Variants in CHP1 observed in about 807,000 individuals in gnomAD.
CHP1 encodes calcineurin B homologous protein 1.
In CHP1, 11 loss-of-function variants were observed where a neutral mutation model predicts 27.4. The observed-to-expected ratio is 0.40, with a 90% CI of 0.25 to 0.67. The LOEUF (loss-of-function observed/expected upper bound fraction) is 0.67, where lower values mean the gene tolerates loss of function less well. CHP1 is among the 30% of genes least tolerant of loss of function. The pLI is 0.38. For missense variants in CHP1, 169 were observed against 251.3 expected (o/e 0.67, Z 2.22); for synonymous variants, 89 against 87.4 (o/e 1.02, Z -0.10).
At chr15:41,255,660 C>G (rs1052927473) in intron 2 of CHP1, among the ~76,000 whole-genome samples, 4 of 151,890 alleles carry the variant, frequency 2.6e-5, no homozygotes, top group African/African-American at 7.3e-5. Flanking sequence ...GGGAGCGAAA[C>G]TCCATCTCAA....
At chr15:41,234,833 C>A (rs1478602387) in intron 1 of CHP1, among the ~76,000 whole-genome samples, 2 of 152,094 alleles carry the variant, frequency 1.3e-5, no homozygotes, top group African/African-American at 2.4e-5. Flanking sequence ...TGGGAAAATA[C>A]CATTTGCATG....
intron 5 of CHP1, among the ~76,000 whole-genome samples, chr15:41,277,941 G>A (rs2047527478): frequency 6.6e-6 from 1 of 152,034 alleles, no homozygotes; most frequent in Non-Finnish European, 1.5e-5. Context: ...GGGCAACAGA[G>A]CGAGACCCTG....
intron 2 of CHP1, among the ~76,000 whole-genome samples, chr15:41,252,033 C>G (rs868613319): frequency 6.6e-6 from 1 of 152,016 alleles, no homozygotes; most frequent in Non-Finnish European, 1.5e-5. Flanking sequence ...TCAACCACCA[C>G]GCCTGGCCAT....
At position 41,272,596 on chromosome 15, in the gene CHP1, T is replaced by G. The variant is rs1320537771; in HGVS notation, c.411+1978T>G. 3.3e-5 allele frequency among the ~76,000 whole-genome samples: 5 copies of G among 151,746 alleles called. No individual in the cohort carries two copies. The East Asian group carries it at 9.8e-4, about 30-fold the overall frequency. ...CCACCATACCCAGCTAATTTTTGTG[T>G]TTTTAGTAGAGATGGGGTTTCGCCA... is the stretch of plus-strand genomic sequence containing the variant. On this transcript the variant is annotated intron_variant, in intron 5 of 6. Transcript: ENST00000334660.
At chr15:41,279,160 G>A (rs1567013642) in intron 6 of CHP1, among the ~76,000 whole-genome samples, 176 bp from the exon 7 acceptor site, 2 of 149,830 alleles carry the variant, frequency 1.3e-5, no homozygotes, top group South Asian at 2.1e-4. Flanking sequence ...GCAGTGAGCC[G>A]AGACCACACC....
At chr15:41,245,715 G>A (rs895791285) in intron 2 of CHP1, among the ~76,000 whole-genome samples, 1 of 152,032 alleles carries the variant, frequency 6.6e-6, no homozygotes, top group African/African-American at 2.4e-5. Context: ...AATTTCTCTT[G>A]GACGTATACC....
At chr15:41,269,210 T>A (rs908366163) in intron 4 of CHP1, among the ~76,000 whole-genome samples, 2 of 150,186 alleles carry the variant, frequency 1.3e-5, no homozygotes, top group African/African-American at 2.5e-5. Flanking sequence ...CTGAAAAAAA[T>A]AAATAAATAA....
intron 4 of CHP1, among the ~76,000 whole-genome samples, chr15:41,268,135 G>A (rs773730041): frequency 5.9e-5 from 9 of 152,064 alleles, no homozygotes; most frequent in Non-Finnish European, 1.3e-4. Flanking sequence ...TAGAGAAGAC[G>A]GGTGAATAAA....
intron 1 of CHP1, among the ~76,000 whole-genome samples, chr15:41,236,392 G>T (rs1333978159): frequency 6.6e-6 from 1 of 152,112 alleles, no homozygotes; most frequent in Non-Finnish European, 1.5e-5. Context: ...CTCCTGAGTA[G>T]CTGGGACTAC....
intron 5 of CHP1, 62 bp downstream of exon 5, chr15:41,270,680 G>A: frequency 7.8e-7 from 1 of 1,276,404 alleles, no homozygotes; most frequent in Non-Finnish European, 1.1e-6. Flanking sequence ...GTGTGGGCAG[G>A]AACTATTCTT....
chr15:41,241,218 C>A (rs986741888), intron 1 of CHP1, among the ~76,000 whole-genome samples: 1 of 152,174 alleles, frequency 6.6e-6, no homozygotes, highest in Non-Finnish European at 1.5e-5. Flanking sequence ...ACAAGAATAG[C>A]CTTTGAGGCC....
At chr15:41,257,921 A>C (rs1449454084) in intron 3 of CHP1, among the ~76,000 whole-genome samples, 2 of 152,210 alleles carry the variant, frequency 1.3e-5, no homozygotes, top group East Asian at 3.8e-4. Context: ...ACACATATCA[A>C]GTCAGACTGA....
At chr15:41,253,606 C>T (rs2047382408) in intron 2 of CHP1, among the ~76,000 whole-genome samples, 1 of 151,814 alleles carries the variant, frequency 6.6e-6, no homozygotes, top group African/African-American at 2.4e-5. Context: ...AGGTGCCCGT[C>T]ACCACGCCTA....
chr15:41,255,454 C>T (rs2047394687), intron 2 of CHP1, among the ~76,000 whole-genome samples: 1 of 152,138 alleles, frequency 6.6e-6, no homozygotes, highest in Non-Finnish European at 1.5e-5. Flanking sequence ...GGGTGGATCA[C>T]CTGAGGTCAG....
At chr15:41,279,282 G>C (rs2047534444) in intron 6 of CHP1, 54 bp from the exon 7 acceptor site, 14 of 1,354,470 alleles carry the variant, frequency 1.0e-5, no homozygotes, top group Non-Finnish European at 1.5e-5. Flanking sequence ...ATAAGAGCTT[G>C]GGAGTGTTGT....
Position 41,238,165 on chromosome 15 carries a change from G to GT in CHP1, c.68-5492dup, listed in dbSNP as rs140372339. ...GTCTTTTTTTGTTTTTTTGGCGTGTGTTTTTTTTTTGAGACAGGGTCTCAC... is the reference window on the plus strand; with the variant it reads ...GTCTTTTTTTGTTTTTTTGGCGTGTGTTTTTTTTTTTGAGACAGGGTCTCAC... On this transcript the variant is annotated intron_variant, in intron 1 of 6. Transcript: ENST00000334660. 1.9e-3 allele frequency among the ~76,000 whole-genome samples: 282 copies of GT among 148,496 alleles called. 2 individuals are homozygous for GT. Among genetic ancestry groups the GT allele is most frequent in the African/African-American group, 5.5e-3 (222 of 40,586 alleles).
At chr15:41,253,185 C>T (rs1311386593) in intron 2 of CHP1, among the ~76,000 whole-genome samples, 1 of 151,752 alleles carries the variant, frequency 6.6e-6, no homozygotes, top group African/African-American at 2.4e-5. Context: ...GATCCACCTG[C>T]CTCAGCCTCC....
intron 4 of CHP1, among the ~76,000 whole-genome samples, chr15:41,269,254 A>G (rs1387618730): frequency 6.9e-6 from 1 of 144,914 alleles, no homozygotes; most frequent in Non-Finnish European, 1.5e-5. Flanking sequence ...AACAGAGCAG[A>G]AAAAAAAATA....
intron 4 of CHP1, among the ~76,000 whole-genome samples, chr15:41,265,269 C>T (rs141462186): frequency 2.2e-4 from 30 of 135,822 alleles, no homozygotes; most frequent in Admixed American, 5.0e-4. Flanking sequence ...GAGGCTGAGG[C>T]GGGAGAATTG....
Sources: gnomAD v4.1 joint callset for allele counts (sites outside exome capture counted in the v4.1 genomes callset) on GRCh38, gnomAD v4.1.1 for gene constraint, MANE v1.5 for transcripts, NCBI Gene and HGNC (gene_info 2026-07-23, HGNC 2026-07-21) for gene names.